The following GCN1 variants were observed in gnomAD, a reference collection of about 807,000 sequenced individuals.
GCN1 encodes the protein stalled ribosome sensor GCN1.
Under a neutral mutation model 288.4 loss-of-function variants are expected in GCN1, and 90 were observed. The observed-to-expected ratio is 0.31, with a 90% CI of 0.26 to 0.37. The LOEUF (loss-of-function observed/expected upper bound fraction) is 0.37, where lower values mean the gene tolerates loss of function less well. GCN1 is among the 10% of genes least tolerant of loss of function. The pLI is 1.00. For synonymous variants in GCN1, 1,386 were observed against 1,420.2 expected, an observed-to-expected ratio of 0.98 and a Z score of 0.54; for missense variants, 2,586 against 3,419.9, an observed-to-expected ratio of 0.76 and a Z score of 6.08.
At chr12:120,185,747 C>T (rs749161722) in intron 2 of GCN1, among the ~76,000 whole-genome samples, 12 of 152,080 alleles carry the variant, frequency 7.9e-5, no homozygotes, top group Admixed American at 2.0e-4. Flanking sequence ...ACTAAAGGTG[C>T]GCACCACCAC....
At chr12:120,175,629 G>T in intron 11 of GCN1, 117 bp downstream of exon 11, 1 of 1,067,744 alleles carries the variant, frequency 9.4e-7, no homozygotes, top group Non-Finnish European at 1.4e-6. Flanking sequence ...ACGTCCCCCT[G>T]GCCACACAGC....
chr12:120,162,806 C>A, intron 20 of GCN1, 41 bp downstream of exon 20: 1 of 1,605,874 alleles, frequency 6.2e-7, no homozygotes, highest in South Asian at 1.1e-5. Context: ...GAGAGGGCCC[C>A]CTCCCGGACC....
At chr12:120,175,126 C>CAAAAAAAAAAAAAAAAAAA in intron 12 of GCN1, 36 bp downstream of exon 12, 2 of 1,062,102 alleles carry the variant, frequency 1.9e-6, no homozygotes, top group Non-Finnish European at 2.6e-6. Context: ...GACTTTCTCT[C>CAAAAAAAAAAAAAAAAAAA]AAAAAAAAAA....
intron 56 of GCN1, among the ~76,000 whole-genome samples, chr12:120,130,260 C>T (rs1876772488): frequency 6.6e-6 from 1 of 152,182 alleles, no homozygotes; most frequent in East Asian, 1.9e-4. Context: ...GGGCCTGGCA[C>T]ATAGCACAGT....
In GCN1 at chr12:120,156,421, G is replaced by C. The variant is rs2139109307; in HGVS notation, c.3312+40C>G. 6.2e-7 allele frequency: 1 copy of C among 1,600,594 alleles called. No homozygotes were observed. The highest frequency in any genetic ancestry group is 8.5e-7 in the Non-Finnish European group (1 of 1,170,558). ...CATGCAATTTGCACTTGCATAGAGT[G>C]ACAAGGGACACTGCAGTGGCTCTGA... On this transcript the variant is annotated intron_variant, in intron 28 of 57. Transcript: ENST00000300648. This position sits in a 1 kb window ranked among gnomAD's most constrained non-coding sequence, Gnocchi z 5.8.
chr12:120,147,332 G>A, intron 37 of GCN1, 60 bp from the exon 38 acceptor site: 1 of 942,252 alleles, frequency 1.1e-6, no homozygotes, highest in East Asian at 2.6e-5. Flanking sequence ...CAAGGCCCCT[G>A]GGCCCCCAGA....
chr12:120,130,806 C>T, intron 55 of GCN1, 53 bp from the exon 56 acceptor site: 2 of 1,123,718 alleles, frequency 1.8e-6, no homozygotes, highest in Non-Finnish European at 2.7e-6. Context: ...TTCCCCAGAG[C>T]CAGGAAAACC....
rs367655416 is a variant in GCN1, at chr12:120,158,295, A to T, written c.2905+165T>A. On this transcript the variant is annotated intron_variant, in intron 25 of 57. Transcript: ENST00000300648. This position sits in a 1 kb window ranked among gnomAD's most constrained non-coding sequence, Gnocchi z 4.3. ...CACCAGTGACAAAAAGTAAACCCTC[A>T]ACTGGGCTCACTGCAATTCACAGAC... 3.3e-5 allele frequency among the ~76,000 whole-genome samples: 5 copies of T among 152,296 alleles called. No homozygotes were observed. The highest frequency in any genetic ancestry group is 1.2e-4 in the African/African-American group (5 of 41,576).
chr12:120,161,703 A>G, intron 21 of GCN1, 120 bp from the exon 22 acceptor site: 1 of 897,330 alleles, frequency 1.1e-6, no homozygotes, highest in Non-Finnish European at 1.8e-6. Flanking sequence ...AGTGCCGGAT[A>G]CTGGACACAC....
intron 50 of GCN1, 136 bp from the exon 51 acceptor site, chr12:120,136,868 A>G (rs1877021552): frequency 1.5e-6 from 1 of 676,874 alleles, no homozygotes; most frequent in South Asian, 1.8e-5. Flanking sequence ...GAATCTCAGG[A>G]TCACAGCCTG....
chr12:120,185,661 T>C (rs867041506), intron 2 of GCN1, among the ~76,000 whole-genome samples: 12 of 152,260 alleles, frequency 7.9e-5, no homozygotes, highest in South Asian at 2.1e-4. Context: ...AGTGCAGTAG[T>C]GCGATCTCGG....
chr12:120,161,853 A>G, intron 21 of GCN1, 27 bp downstream of exon 21: 1 of 1,608,710 alleles, frequency 6.2e-7, no homozygotes, highest in Non-Finnish European at 8.5e-7. Flanking sequence ...GGAGCAAAGG[A>G]AACTGAGCCC....
intron 5 of GCN1, among the ~76,000 whole-genome samples, chr12:120,180,901 A>G: frequency 6.6e-6 from 1 of 151,638 alleles, no homozygotes; most frequent in South Asian, 2.1e-4. Flanking sequence ...GAGGCAGGAG[A>G]ATGGCGTGAA....
chr12:120,134,225 T>C lies in GCN1; in HGVS notation c.7317+66A>G, dbSNP rs1876921140. ...CTGGTTCTAACACAAAGTGAAGAAC[T>C]CAACCTAAGGAGGAGGAGGGAAACC... is the stretch of plus-strand genomic sequence containing the variant. On this transcript the variant is annotated intron_variant, in intron 53 of 57. Coordinates refer to ENST00000300648, the MANE Select transcript of GCN1 (RefSeq NM_006836.2). This position sits in a 1 kb window ranked among gnomAD's most constrained non-coding sequence, Gnocchi z 5.0. The C allele has an allele frequency of 9.4e-7, 1 of 1,061,544 alleles. No individual in the cohort carries two copies. The highest frequency in any genetic ancestry group is 1.5e-5 in the African/African-American group (1 of 64,780). 65.8% of individuals were successfully genotyped at this position (1,061,544 alleles called of 1,614,324 possible). A position where few individuals can be genotyped will look rare whatever the true frequency, so the allele number is the denominator to read the frequency against.
chr12:120,184,014 C>T, intron 4 of GCN1, 98 bp downstream of exon 4: 2 of 1,157,254 alleles, frequency 1.7e-6, no homozygotes, highest in Admixed American at 2.3e-5. Flanking sequence ...ACTAAGCTTG[C>T]TATCCTGGCT....
Position 120,142,979 on chromosome 12 carries a change from A to G in GCN1, c.5496-38T>C, listed in dbSNP as rs1314237787. ...CCAACAACACAGTCACACAGCTGCA[A>G]GGAGTGGGCTCGGCACAACTGAGCA... On this transcript the variant is annotated intron_variant, in intron 42 of 57. Transcript: ENST00000300648. The surrounding 1 kb of genome is among the most constrained non-coding windows in gnomAD (Gnocchi z 4.9). 2 of 1,277,438 alleles carry G rather than the reference A, an allele frequency of 1.6e-6. No homozygotes were observed. The highest frequency in any genetic ancestry group is 2.3e-5 in the East Asian group (1 of 43,332). 79.1% of individuals were successfully genotyped at this position (1,277,438 alleles called of 1,614,324 possible).
At chr12:120,133,701 G>A (rs1252667368) in intron 53 of GCN1, among the ~76,000 whole-genome samples, 1 of 152,198 alleles carries the variant, frequency 6.6e-6, no homozygotes, top group Non-Finnish European at 1.5e-5. Context: ...CAGAGAAAGT[G>A]ACTTCTTTAA....
At position 120,144,236 on chromosome 12, in the gene GCN1, A is replaced by G; in HGVS notation, c.5495+70T>C. 1 of 1,559,184 alleles carries G rather than the reference A, an allele frequency of 6.4e-7. No individual in the cohort carries two copies. Among genetic ancestry groups the G allele is most frequent in the Non-Finnish European group, 8.8e-7 (1 of 1,131,898 alleles). On this transcript the variant is annotated intron_variant, in intron 42 of 57. Transcript: ENST00000300648. This position sits in a 1 kb window ranked among gnomAD's most constrained non-coding sequence, Gnocchi z 4.7. ...AGCAATCCTCCTGCCTCGGCTTTCC[A>G]GAGTGCTCGGATTATAGGCATGAGC...
rs1459551698 is a variant in GCN1, at chr12:120,164,329, C to T, written c.1848+7G>A. The T allele has an allele frequency of 1.9e-6, 3 of 1,610,518 alleles. No individual in the cohort carries two copies. The African/African-American group carries it at 4.0e-5, about 22-fold the overall frequency. ...GAGCCCCAGTTCTAGAGCCCAGATGCCCTCACCTTGTGAGAACTGAGGACA... is the reference window on the plus strand; with the variant it reads ...GAGCCCCAGTTCTAGAGCCCAGATGTCCTCACCTTGTGAGAACTGAGGACA... On this transcript the variant is annotated splice_region_variant and intron_variant, in intron 18 of 57. Transcript: ENST00000300648.
Sources: gnomAD v4.1 joint callset for allele counts (sites outside exome capture counted in the v4.1 genomes callset) on GRCh38, gnomAD v4.1.1 for gene constraint, Gnocchi (gnomAD v3.1) non-coding constraint, MANE v1.5 for transcripts, NCBI Gene and HGNC (gene_info 2026-07-23, HGNC 2026-07-21) for gene names.